Variants in PRKN observed in about 807,000 individuals in gnomAD.
PRKN encodes E3 ubiquitin-protein ligase parkin.
A neutral mutation model predicts 59.5 loss-of-function variants in PRKN; 56 were observed. The ratio of observed to expected loss-of-function variants is 0.94; its 90% CI spans 0.76 to 1.18. The LOEUF is 1.18. PRKN is among the 50% of genes most tolerant of loss of function. PRKN has a pLI of 0.00. For missense variants in PRKN, 657 were observed against 596.4 expected (o/e 1.10, Z -1.06); for synonymous variants, 250 against 222.1 (o/e 1.13, Z -1.12).
At chr6:161,724,585 T>TA (rs1191281604) in intron 7 of PRKN, among the ~76,000 whole-genome samples, 1 of 152,244 alleles carries the variant, frequency 6.6e-6, no homozygotes, top group East Asian at 1.9e-4. Context: ...TAATATCATT[T>TA]AGTTTCTGGA....
rs189953679 is a variant in PRKN, at chr6:162,320,292, T to G, written c.172-57527A>C. On this transcript the variant is annotated intron_variant, in intron 2 of 11. Transcript: ENST00000366898. ...ACACAAAGTGCAGGTATCTTCTTGATGTAATGATTTTTCCTTTGGGTAGAT... is the reference window on the plus strand; with the variant it reads ...ACACAAAGTGCAGGTATCTTCTTGAGGTAATGATTTTTCCTTTGGGTAGAT... 7.4e-5 allele frequency among the ~76,000 whole-genome samples: 11 copies of G among 148,854 alleles called. No individual in the cohort carries two copies. The South Asian group carries it at 1.0e-3, about 14-fold the overall frequency.
intron 6 of PRKN, among the ~76,000 whole-genome samples, chr6:161,947,581 C>T (rs1400390228): frequency 3.9e-5 from 6 of 152,140 alleles, no homozygotes; most frequent in Non-Finnish European, 7.3e-5. Flanking sequence ...TGGCCCGAGT[C>T]CCACAGTGAT....
chr6:162,509,510 A>T (rs1777491221), intron 1 of PRKN, among the ~76,000 whole-genome samples: 1 of 152,232 alleles, frequency 6.6e-6, no homozygotes, highest in Non-Finnish European at 1.5e-5. Context: ...CTATCTTAGA[A>T]CATTCTCTCA....
Position 161,888,707 on chromosome 6 carries a change from C to G in PRKN, c.734+84595G>C, listed in dbSNP as rs867394284. 5.3e-5 allele frequency among the ~76,000 whole-genome samples: 8 copies of G among 152,156 alleles called. No homozygotes were observed. The Middle Eastern group carries it at 0.01, about 194-fold the overall frequency. ...ATCCTCCAGCATCCTTTGATCATCACTTCATACCCTCAGCTCAATCCCTTT... is the reference window on the plus strand; with the variant it reads ...ATCCTCCAGCATCCTTTGATCATCAGTTCATACCCTCAGCTCAATCCCTTT... On this transcript the variant is annotated intron_variant, in intron 6 of 11. Transcript: ENST00000366898.
intron 1 of PRKN, among the ~76,000 whole-genome samples, chr6:162,586,700 AG>A (rs575976077): frequency 1.7e-3 from 266 of 152,354 alleles, no homozygotes; most frequent in African/African-American, 6.1e-3. Flanking sequence ...TTTCTAATCA[AG>A]TAAATGGATG....
At chr6:161,815,451 A>T (rs1791735867) in intron 6 of PRKN, among the ~76,000 whole-genome samples, 1 of 152,210 alleles carries the variant, frequency 6.6e-6, no homozygotes, top group African/African-American at 2.4e-5. Context: ...GTTAACGCAG[A>T]TCCTAATATC....
chr6:161,396,475 G>C lies in PRKN; in HGVS notation c.1084-9598C>G, dbSNP rs143499885. Among the ~76,000 whole-genome samples, 137 of 152,286 alleles carry C rather than the reference G, an allele frequency of 9.0e-4. No homozygotes were observed. The highest frequency in any genetic ancestry group is 1.6e-3 in the Non-Finnish European group (107 of 68,036). On this transcript the variant is annotated intron_variant, in intron 9 of 11. Transcript: ENST00000366898. This position sits in a 1 kb window ranked among gnomAD's most constrained non-coding sequence, Gnocchi z 5.4. ...CTAGAACTGGAGCACTGGTCACAGAGTATCAAATTCAATGCCACTTTCAAA... is the reference window on the plus strand; with the variant it reads ...CTAGAACTGGAGCACTGGTCACAGACTATCAAATTCAATGCCACTTTCAAA...
In PRKN at chr6:162,677,038, C is replaced by G. The variant is rs189726190; in HGVS notation, c.7+50624G>C. On this transcript the variant is annotated intron_variant, in intron 1 of 11. Coordinates refer to ENST00000366898, the MANE Select transcript of PRKN (RefSeq NM_004562.3). ...ACGGTGCAACTGCACTCCAGCCTGG[C>G]CAAGAGAGGAGACAACATCTCAATC... Among the ~76,000 whole-genome samples the G allele has an allele frequency of 5.7e-5, 8 of 140,412 alleles. No individual in the cohort carries two copies. In the East Asian group the frequency reaches 1.5e-3, roughly 25 times the overall value. 92.1% of individuals were successfully genotyped at this position (140,412 alleles called of 152,430 possible). A position where few individuals can be genotyped will look rare whatever the true frequency, so the allele number is the denominator to read the frequency against.
chr6:161,829,412 C>T (rs1415753689), intron 6 of PRKN, among the ~76,000 whole-genome samples: 1 of 152,062 alleles, frequency 6.6e-6, no homozygotes, highest in African/African-American at 2.4e-5. Flanking sequence ...TTTGTTTTTT[C>T]CCTTGGAGAC....
chr6:161,517,665 G>A (rs942405991), intron 9 of PRKN, among the ~76,000 whole-genome samples: 1 of 149,666 alleles, frequency 6.7e-6, no homozygotes, highest in Non-Finnish European at 1.5e-5. Flanking sequence ...GTGTGAACCT[G>A]GAAGGCGGAG....
chr6:161,777,178 G>A (rs943787274), intron 7 of PRKN, among the ~76,000 whole-genome samples: 43 of 152,098 alleles, frequency 2.8e-4, no homozygotes, highest in African/African-American at 1.0e-3. Flanking sequence ...ATTCAATGGA[G>A]GTTTATGAGT....
At chr6:162,574,347 CA>C (rs1780469579) in intron 1 of PRKN, among the ~76,000 whole-genome samples, 1 of 151,444 alleles carries the variant, frequency 6.6e-6, no homozygotes, top group Non-Finnish European at 1.5e-5. Flanking sequence ...TTCAAGGTTA[CA>C]TCTTGAAACC....
At chr6:162,337,976 A>T (rs962655279) in intron 2 of PRKN, among the ~76,000 whole-genome samples, 9 of 152,308 alleles carry the variant, frequency 5.9e-5, no homozygotes, top group African/African-American at 2.2e-4. Flanking sequence ...TTATAAATGC[A>T]TCTTTAAATA....
intron 2 of PRKN, among the ~76,000 whole-genome samples, chr6:162,402,682 G>T (rs1254296044): frequency 2.0e-5 from 3 of 146,576 alleles, no homozygotes; most frequent in African/African-American, 5.0e-5. Flanking sequence ...TTAAGACAAG[G>T]TCTTTCTCTG....
At chr6:162,548,687 C>T (rs948274326) in intron 1 of PRKN, among the ~76,000 whole-genome samples, 2 of 152,112 alleles carry the variant, frequency 1.3e-5, no homozygotes, top group African/African-American at 4.8e-5. Flanking sequence ...CATTTGAAAG[C>T]CATTTGAGCT....
chr6:162,556,342 G>GTTGTGT (rs1554243354), intron 1 of PRKN, among the ~76,000 whole-genome samples: 3 of 57,306 alleles, frequency 5.2e-5, no homozygotes, highest in African/African-American at 2.2e-4. Flanking sequence ...CTACTCAGCT[G>GTTGTGT]GTGTGTGTGT....
At chr6:161,756,089 T>C (rs1263987502) in intron 7 of PRKN, among the ~76,000 whole-genome samples, 1 of 152,150 alleles carries the variant, frequency 6.6e-6, no homozygotes, top group African/African-American at 2.4e-5. Flanking sequence ...AAAAAGCTAG[T>C]AGCTTCTACT....
In PRKN at chr6:162,211,200, G is replaced by T. The variant is rs368984225; in HGVS notation, c.413-9948C>A. 4.6e-5 allele frequency among the ~76,000 whole-genome samples: 7 copies of T among 152,050 alleles called. No homozygotes were observed. The East Asian group carries it at 7.7e-4, about 17-fold the overall frequency. Reference sequence around the variant, plus strand: ...GCAAAGTGGCACTTACACACAGATCGGCAATTATGGACCCAGGCCAGCAGT... The same window carrying T: ...GCAAAGTGGCACTTACACACAGATCTGCAATTATGGACCCAGGCCAGCAGT... On this transcript the variant is annotated intron_variant, in intron 3 of 11. Coordinates refer to ENST00000366898, the MANE Select transcript of PRKN (RefSeq NM_004562.3).
intron 7 of PRKN, among the ~76,000 whole-genome samples, chr6:161,651,433 T>G (rs1012927930): frequency 6.6e-6 from 1 of 152,228 alleles, no homozygotes; most frequent in African/African-American, 2.4e-5. Flanking sequence ...GCAGAGGGTC[T>G]GCATTTTACC....
Sources: allele counts gnomAD v4.1 joint callset (sites outside exome capture counted in the v4.1 genomes callset), GRCh38; gene constraint gnomAD v4.1.1; non-coding constraint Gnocchi (gnomAD v3.1); transcripts MANE v1.5; gene names NCBI Gene and HGNC (gene_info 2026-07-23, HGNC 2026-07-21).